The following WDR81 variants were observed in gnomAD, a reference collection of about 807,000 sequenced individuals.
WDR81 encodes the protein WD repeat-containing protein 81.
A neutral mutation model predicts 140.8 loss-of-function variants in WDR81; 92 were observed. That is an observed-to-expected ratio of 0.65 (90% CI 0.55 to 0.78). The LOEUF (loss-of-function observed/expected upper bound fraction) is 0.78, where lower values mean the gene tolerates loss of function less well. WDR81 is among the 30% of genes least tolerant of loss of function. WDR81 has a pLI of 0.00. For synonymous variants in WDR81, 1,183 were observed against 1,156.4 expected, an observed-to-expected ratio of 1.02 and a Z score of -0.47; for missense variants, 2,502 against 2,636.4, an observed-to-expected ratio of 0.95 and a Z score of 1.12.
Position 1,728,256 on chromosome 17 carries a change from G to A in WDR81, c.3297G>A (p.Glu1099=). The change falls in exon 1 of 10, where the codon GAG becomes GAA. Residue 1099 remains glutamate, a synonymous_variant. Transcript: ENST00000409644. ...LYVTESPQPQ[E]AEAVSLGRLS... ...TGACTGAGTCTCCCCAGCCCCAGGA[G>A]GCTGAGGCTGTGAGCCTGGGCCGGC... The A allele has an allele frequency of 6.2e-7, 1 of 1,612,182 alleles. No homozygotes were observed. Among genetic ancestry groups the A allele is most frequent in the Non-Finnish European group, 8.5e-7 (1 of 1,179,580 alleles).
In WDR81 at chr17:1,732,333, G is replaced by T; in HGVS notation, c.4166G>T (p.Ser1389Ile). Residue 1389 changes from serine to isoleucine, a missense_variant, in exon 5 of 10, where the codon AGT becomes ATT. Coordinates refer to ENST00000409644, the MANE Select transcript of WDR81 (RefSeq NM_001163809.2). Reference sequence around the variant, plus strand: ...ATGAGCTCTGTTTCCAGGTTCCCAAGTGGGGCCCAGGCTCGGACCATCCTG... The same window carrying T: ...ATGAGCTCTGTTTCCAGGTTCCCAATTGGGGCCCAGGCTCGGACCATCCTG... Reference protein sequence around the residue: ...FLTSLVTGFPSGAQARTILCV... With the variant: ...FLTSLVTGFPIGAQARTILCV... 1 of 1,613,238 alleles carries T rather than the reference G, an allele frequency of 6.2e-7. No homozygotes were observed. The highest frequency in any genetic ancestry group is 8.5e-7 in the Non-Finnish European group (1 of 1,179,962).
chr17:1,724,623 G>A (rs1252439463), upstream of WDR81: 1 of 1,006,738 alleles, frequency 9.9e-7, no homozygotes, highest in Non-Finnish European at 1.2e-6. Flanking sequence ...GGAGGCCGCC[G>A]GGCAGGAAGC....
At chr17:1,722,713 G>A (rs980043584), upstream of WDR81, among the ~76,000 whole-genome samples, 2 of 128,222 alleles carry the variant, frequency 1.6e-5, no homozygotes, top group African/African-American at 2.9e-5. Flanking sequence ...TTTTTTTTGA[G>A]ACGGAGTCTC....
At position 1,726,024 on chromosome 17, in the gene WDR81, C is replaced by G; in HGVS notation, c.1065C>G (p.Gly355=). 1 of 1,544,722 alleles carries G rather than the reference C, an allele frequency of 6.5e-7. No homozygotes were observed. The highest frequency in any genetic ancestry group is 2.5e-5 in the East Asian group (1 of 40,780). Residue 355 remains glycine (G), a synonymous_variant, in exon 1 of 10, where the codon GGC becomes GGG. Transcript: ENST00000409644. The stretch of plus-strand genomic sequence containing the variant: ...GCCTCGTGCTAGATTGGGTCCACGG[C>G]CGCATCAGCAACTTCCACTACCTCA... ...LRSLVLDWVH[G]RISNFHYLMQ...
chr17:1,718,956 G>T (rs1026494404), intron 1 of WDR81, among the ~76,000 whole-genome samples: 1 of 152,102 alleles, frequency 6.6e-6, no homozygotes, highest in Non-Finnish European at 1.5e-5. Flanking sequence ...GGGCTACCGG[G>T]TGCACAATAG....
rs779034127 is a variant in WDR81, at chr17:1,724,926, C to T, written c.-34C>T. 8.6e-5 allele frequency: 117 copies of T among 1,361,754 alleles called. No homozygotes were observed. Among genetic ancestry groups the T allele is most frequent in the Admixed American group, 1.4e-4 (4 of 28,468 alleles). The allele number at this position is 1,361,754 out of a possible 1,614,324, so 84.4% of individuals were successfully genotyped here. ...TCGCCAGCAGGGCCGTGGCTGGGCTCAGCCCCGCGCTGCCCCCGGGCGGCC... is the reference window on the plus strand; with the variant it reads ...TCGCCAGCAGGGCCGTGGCTGGGCTTAGCCCCGCGCTGCCCCCGGGCGGCC... On this transcript the variant is annotated 5_prime_UTR_variant, in exon 1 of 10. Transcript: ENST00000409644.
At chr17:1,730,982 G>T in intron 3 of WDR81, 37 bp downstream of exon 3, 1 of 1,608,478 alleles carries the variant, frequency 6.2e-7, no homozygotes, top group Non-Finnish European at 8.5e-7. Flanking sequence ...GGCTGGGAAG[G>T]CTGAGGACCT....
upstream of WDR81, among the ~76,000 whole-genome samples, chr17:1,722,408 G>A (rs561853330): frequency 7.4e-5 from 11 of 148,730 alleles, no homozygotes; most frequent in Admixed American, 1.3e-4. Context: ...GTGCAGTGGC[G>A]CTATCTTGGC....
intron 9 of WDR81, among the ~76,000 whole-genome samples, chr17:1,736,483 T>C (rs1377322424): frequency 6.6e-6 from 1 of 152,162 alleles, no homozygotes; most frequent in Non-Finnish European, 1.5e-5. Context: ...CTGACCCTGT[T>C]GCTCATGGCG....
chr17:1,736,286 A>C, intron 9 of WDR81, 68 bp downstream of exon 9: 2 of 1,526,754 alleles, frequency 1.3e-6, no homozygotes, highest in East Asian at 4.6e-5. Context: ...ACCCCTGCTT[A>C]GGGTCTGCCT....
At position 1,727,777 on chromosome 17, in the gene WDR81, T is replaced by C. The variant is rs752949522; in HGVS notation, c.2818T>C (p.Tyr940His). ...SLMSEEHTAV[Y>H]TAWYLFEPVA... ...CATGTCCGAGGAGCACACAGCTGTG[T>C]ACACGGCCTGGTATCTGTTTGAGCC... The change falls in exon 1 of 10, where the codon TAC (tyrosine) becomes CAC (histidine). Residue 940 changes from tyrosine to histidine, a missense_variant. Tyr to His is a moderately conservative substitution (Grantham distance 83, BLOSUM62 2). Coordinates refer to ENST00000409644, the MANE Select transcript of WDR81 (RefSeq NM_001163809.2). 1.3e-6 allele frequency: 2 copies of C among 1,550,738 alleles called. No homozygotes were observed. Among genetic ancestry groups the C allele is most frequent in the Non-Finnish European group, 1.7e-6 (2 of 1,147,000 alleles).
chr17:1,730,006 G>GAAGAAGAAA (rs1298576679), intron 1 of WDR81, among the ~76,000 whole-genome samples: 2 of 147,822 alleles, frequency 1.4e-5, no homozygotes, highest in South Asian at 2.1e-4. Flanking sequence ...AAAAAAAAAA[G>GAAGAAGAAA]AAGAAGAAGA....
rs780969097 is a variant in WDR81 at position 1,726,031 on chromosome 17, A to G, written c.1072A>G (p.Ser358Gly). The G allele has an allele frequency of 1.9e-4, 298 of 1,545,032 alleles. 1 individual carries two copies. The Middle Eastern group carries it at 4.2e-3, about 22-fold the overall frequency. ...GCTAGATTGGGTCCACGGCCGCATC[A>G]GCAACTTCCACTACCTCATGCAGCT... ...LVLDWVHGRI[S>G]NFHYLMQLNR... The change falls in exon 1 of 10, where the codon AGC becomes GGC. Residue 358 changes from serine to glycine, a missense_variant. Around this residue, in one of 3 missense-constraint regions of WDR81, gnomAD observed 547 missense variants for 513.8 expected, o/e 1.06. Transcript: ENST00000409644.
In WDR81 at chr17:1,725,444, A is replaced by ACAGTCACAGCCCTGCTG. The variant is rs1567717826; in HGVS notation, c.500_501insTGCAGTCACAGCCCTGC (p.Pro168AlafsTer92). 1.9e-6 allele frequency: 3 copies of ACAGTCACAGCCCTGCTG among 1,549,396 alleles called. No individual in the cohort carries two copies. On this transcript the variant is annotated frameshift_variant, in exon 1 of 10. Transcript: ENST00000409644. LOFTEE classifies it high-confidence loss of function. Reference sequence around the variant, plus strand: ...GCATACCACACTTACGGCCAGCCGTACAGTCACAGCCCTGCCCCCTCAGCT... The same window carrying ACAGTCACAGCCCTGCTG: ...GCATACCACACTTACGGCCAGCCGTACAGTCACAGCCCTGCTGCAGTCACAGCCCTGCCCCCTCAGCT...
chr17:1,726,290 T>A lies in WDR81; in HGVS notation c.1331T>A (p.Val444Glu). The A allele has an allele frequency of 1.3e-6, 2 of 1,542,350 alleles. No homozygotes were observed. The highest frequency in any genetic ancestry group is 4.9e-5 in the East Asian group (2 of 40,780). ...CATGTTCCCCACCACATCTCAGACG[T>A]GCTCTCCGACATCACGTACTATGTG... Reference protein sequence around the residue: ...PPHVPHHISDVLSDITYYVYK... With the variant: ...PPHVPHHISDELSDITYYVYK... The change falls in exon 1 of 10, where the codon GTG (valine) becomes GAG (glutamate). Residue 444 changes from valine to glutamate, a missense_variant. Val to Glu is a moderately radical substitution (Grantham distance 121). Coordinates refer to ENST00000409644, the MANE Select transcript of WDR81 (RefSeq NM_001163809.2).
At chr17:1,734,297 G>C (rs1293703540) in intron 7 of WDR81, 81 bp downstream of exon 7, 2 of 1,428,552 alleles carry the variant, frequency 1.4e-6, no homozygotes, top group East Asian at 5.0e-5. Context: ...CGAGGGTGGG[G>C]CTGTAATGCT....
Position 1,725,975 on chromosome 17 carries a change from C to G in WDR81, c.1016C>G (p.Pro339Arg). The change falls in exon 1 of 10, where the codon CCC becomes CGC. Residue 339 changes from proline to arginine, a missense_variant. Physicochemically the swap from Pro to Arg is moderately radical, Grantham distance 103 (BLOSUM62 -2). Transcript: ENST00000409644. ...GAGCAGGGAGGGCAACCTGGGCAAC[C>G]CACTGGCCAGGAGGAACTTCGGAGC... ...QEEQGGQPGQ[P>R]TGQEELRSLV... 6.5e-7 allele frequency: 1 copy of G among 1,550,244 alleles called. No individual in the cohort carries two copies. The highest frequency in any genetic ancestry group is 2.4e-5 in the East Asian group (1 of 40,892).
intron 1 of WDR81, among the ~76,000 whole-genome samples, chr17:1,717,877 G>A (rs924175368): frequency 2.0e-5 from 3 of 152,166 alleles, no homozygotes. Flanking sequence ...CCCTGGTCTA[G>A]GGGAAGGCCA....
rs1397957496 is a variant in WDR81 at position 1,726,537 on chromosome 17, T to G, written c.1578T>G (p.Ala526=). ...AWCSSSQEFV[A]AHRALLESRE... is the part of the protein sequence containing the mutation. Reference sequence around the variant, plus strand: ...GCAGCTCCAGCCAGGAGTTCGTAGCTGCCCACCGAGCCCTGCTGGAGAGCC... The same window carrying G: ...GCAGCTCCAGCCAGGAGTTCGTAGCGGCCCACCGAGCCCTGCTGGAGAGCC... The change falls in exon 1 of 10, where the codon GCT becomes GCG. Residue 526 remains alanine (A), a synonymous_variant. Transcript: ENST00000409644. 6.5e-7 allele frequency: 1 copy of G among 1,550,376 alleles called. No individual in the cohort carries two copies. The highest frequency in any genetic ancestry group is 8.7e-7 in the Non-Finnish European group (1 of 1,146,986).
Sources: gnomAD v4.1 joint callset for allele counts (sites outside exome capture counted in the v4.1 genomes callset) on GRCh38, gnomAD v4.1.1 for gene constraint, gnomAD v4.1.1 regional missense constraint, MANE v1.5 for transcripts, NCBI Gene and HGNC (gene_info 2026-07-23, HGNC 2026-07-21) for gene names.